Variants in RMDN2 observed in about 807,000 individuals in gnomAD.
The protein encoded by RMDN2 is regulator of microtubule dynamics 2, also known as regulator of microtubule dynamics protein 2.
A neutral mutation model predicts 52.8 loss-of-function variants in RMDN2; 61 were observed. The observed-to-expected ratio is 1.16, with a 90% CI of 0.94 to 1.43. The LOEUF is 1.43. Ranked by LOEUF, RMDN2 falls within the 40% of genes most tolerant of loss-of-function variation. The pLI is 0.00. For synonymous variants in RMDN2, 180 were observed against 153.1 expected (o/e 1.18, Z -1.30); for missense variants, 592 against 475.3 (o/e 1.25, Z -2.28).
chr2:37,966,236 G>T (rs1572849673), intron 2 of RMDN2, among the ~76,000 whole-genome samples: 1 of 152,150 alleles, frequency 6.6e-6, no homozygotes, highest in Admixed American at 6.5e-5. Context: ...GGCTAACACG[G>T]TGAAACCCTG....
chr2:37,921,125 A>C (rs1400712009), upstream of RMDN2, among the ~76,000 whole-genome samples: 2 of 152,156 alleles, frequency 1.3e-5, no homozygotes, highest in Non-Finnish European at 2.9e-5. Flanking sequence ...ATCGTTGTTA[A>C]TTTTTCTTTC....
At chr2:37,990,136 C>G (rs1239563482) in intron 6 of RMDN2, among the ~76,000 whole-genome samples, 1 of 108,282 alleles carries the variant, frequency 9.2e-6, no homozygotes, top group South Asian at 2.8e-4. Flanking sequence ...GAGTGAGACT[C>G]CGTCTGAAAA....
At chr2:37,962,452 T>C (rs191863048) in intron 2 of RMDN2, among the ~76,000 whole-genome samples, 7 of 152,314 alleles carry the variant, frequency 4.6e-5, no homozygotes, top group Non-Finnish European at 1.0e-4. Flanking sequence ...TGCAGTGGGC[T>C]CCACCCAGTC....
chr2:37,931,436 C>T (rs189903655), intron 2 of RMDN2, among the ~76,000 whole-genome samples: 63 of 152,266 alleles, frequency 4.1e-4, no homozygotes, highest in Admixed American at 1.2e-3. Flanking sequence ...GTCCTGTGTG[C>T]AGTTTTGGCA....
At chr2:38,063,552 G>A (rs2125310344) in intron 10 of RMDN2, among the ~76,000 whole-genome samples, 1 of 152,214 alleles carries the variant, frequency 6.6e-6, no homozygotes, top group African/African-American at 2.4e-5. Flanking sequence ...ATTGACAAAT[G>A]GGATCTAATT....
chr2:37,951,397 G>A (rs1287106171), intron 2 of RMDN2: 1 of 1,613,208 alleles, frequency 6.2e-7, no homozygotes, highest in South Asian at 1.1e-5. Flanking sequence ...GCCAAAGCAA[G>A]TAGAAGGTTA....
intron 10 of RMDN2, among the ~76,000 whole-genome samples, chr2:38,045,489 G>T (rs1681216183): frequency 6.6e-6 from 1 of 152,110 alleles, no homozygotes; most frequent in African/African-American, 2.4e-5. Flanking sequence ...AAAGGAGCAG[G>T]CAACTTCTTC....
At chr2:37,983,301 T>C (rs1673573438) in intron 5 of RMDN2, among the ~76,000 whole-genome samples, 2 of 152,222 alleles carry the variant, frequency 1.3e-5, no homozygotes, top group African/African-American at 4.8e-5. Context: ...TTAAGTACCT[T>C]GAAATGTATC....
rs369455696 is a variant in RMDN2 at position 38,012,203 on chromosome 2, A to G, written c.1180-4983A>G. Among the ~76,000 whole-genome samples, 44 of 152,214 alleles carry G rather than the reference A, an allele frequency of 2.9e-4. No homozygotes were observed. In the South Asian group the frequency reaches 8.5e-3, roughly 29 times the overall value. ...ACCCTCTGCTCCTTCCACTAGCTTT[A>G]TTCCTTCCTATCCTCCAGGCCTTAC... On this transcript the variant is annotated intron_variant, in intron 10 of 10. Coordinates refer to ENST00000354545, the MANE Select transcript of RMDN2 (RefSeq NM_001170791.3).
chr2:38,058,904 TTTATA>T (rs1335472474), intron 10 of RMDN2, among the ~76,000 whole-genome samples: 2 of 152,224 alleles, frequency 1.3e-5, no homozygotes, highest in Admixed American at 6.5e-5. Flanking sequence ...TGTATGTATC[TTTATA>T]TTATATTTAT....
chr2:37,968,087 A>T (rs1671303559), intron 2 of RMDN2, among the ~76,000 whole-genome samples: 1 of 152,172 alleles, frequency 6.6e-6, no homozygotes, highest in African/African-American at 2.4e-5. Flanking sequence ...GACATGTTGT[A>T]TGTGGTAGTT....
intron 2 of RMDN2, among the ~76,000 whole-genome samples, chr2:37,930,435 A>G (rs986070925): frequency 6.6e-6 from 1 of 151,948 alleles, no homozygotes. Context: ...GTCCTTTTCC[A>G]TCCTTCCCCA....
At chr2:37,929,132 G>C (rs1666521144) in intron 1 of RMDN2, 130 bp from the exon 2 acceptor site, 3 of 603,056 alleles carry the variant, frequency 5.0e-6, no homozygotes, top group South Asian at 4.2e-5. Flanking sequence ...CCCACCCTTT[G>C]GGCTATTGTC....
At chr2:37,945,513 T>G (rs549092570) in intron 2 of RMDN2, among the ~76,000 whole-genome samples, 1 of 152,298 alleles carries the variant, frequency 6.6e-6, no homozygotes, top group Non-Finnish European at 1.5e-5. Flanking sequence ...GGTACCCCGA[T>G]ACCTTGGCAC....
At chr2:37,975,801 C>CA (rs1010328510) in intron 4 of RMDN2, among the ~76,000 whole-genome samples, 35 of 151,880 alleles carry the variant, frequency 2.3e-4, no homozygotes, top group African/African-American at 7.7e-4. Flanking sequence ...TATTATGGTA[C>CA]AAAAAAATGT....
At chr2:37,991,152 T>G in intron 6 of RMDN2, 68 bp from the exon 7 acceptor site, 1 of 800,466 alleles carries the variant, frequency 1.2e-6, no homozygotes, top group East Asian at 2.6e-5. Flanking sequence ...GTTACTAGGC[T>G]TTGGTGTAGT....
At chr2:37,952,248 T>G (rs1238226126) in intron 2 of RMDN2, 5 of 1,576,552 alleles carry the variant, frequency 3.2e-6, no homozygotes, top group Non-Finnish European at 4.3e-6. Flanking sequence ...TCAAATAGTT[T>G]TCCCACCAGT....
intron 2 of RMDN2, among the ~76,000 whole-genome samples, chr2:37,959,581 G>T (rs531131801): frequency 6.7e-6 from 1 of 150,352 alleles, no homozygotes; most frequent in South Asian, 2.1e-4. Flanking sequence ...CTATTTTGTT[G>T]ATCTTTTCAA....
intron 2 of RMDN2, among the ~76,000 whole-genome samples, chr2:37,962,467 C>G (rs554103712): frequency 6.6e-6 from 1 of 152,336 alleles, no homozygotes; most frequent in South Asian, 2.1e-4. Flanking sequence ...CCAGTCCGAA[C>G]TTCTGGTGGC....
Sources: allele counts gnomAD v4.1 joint callset (sites outside exome capture counted in the v4.1 genomes callset), GRCh38; gene constraint gnomAD v4.1.1; transcripts MANE v1.5; gene names NCBI Gene and HGNC (gene_info 2026-07-23, HGNC 2026-07-21).